PLEKHA3: variants seen among roughly 807,000 people sequenced by gnomAD.
PLEKHA3 encodes pleckstrin homology domain containing A3.
A neutral mutation model predicts 39.2 loss-of-function variants in PLEKHA3; 19 were observed. That is an observed-to-expected ratio of 0.48 (90% CI 0.34 to 0.71). The LOEUF is 0.71. Ranked by LOEUF, PLEKHA3 falls within the 30% of genes least tolerant of loss-of-function variation. The pLI is 0.01. For missense variants in PLEKHA3, 253 were observed against 359.5 expected (o/e 0.70, Z 2.40); for synonymous variants, 97 against 118.6 (o/e 0.82, Z 1.18).
At chr2:178,493,708 G>T in intron 3 of PLEKHA3, 145 bp from the exon 4 acceptor site, 1 of 663,376 alleles carries the variant, frequency 1.5e-6, no homozygotes, top group Non-Finnish European at 2.5e-6. Context: ...GTTTCCTTAG[G>T]GCTCTTGTAT....
intron 5 of PLEKHA3, among the ~76,000 whole-genome samples, chr2:178,495,947 G>A (rs1334515911): frequency 6.6e-6 from 1 of 152,142 alleles, no homozygotes; most frequent in Non-Finnish European, 1.5e-5. Context: ...ATTACAAAGT[G>A]CTGTGACAAA....
intron 7 of PLEKHA3, among the ~76,000 whole-genome samples, chr2:178,502,171 A>G (rs778939428): frequency 1.3e-5 from 2 of 151,780 alleles, no homozygotes; most frequent in African/African-American, 4.8e-5. Flanking sequence ...TAGTTCATAC[A>G]TATGGCAATT....
chr2:178,502,836 A>G (rs1685546940), intron 7 of PLEKHA3, among the ~76,000 whole-genome samples: 1 of 151,790 alleles, frequency 6.6e-6, no homozygotes, highest in Admixed American at 6.6e-5. Context: ...GCGCATACAT[A>G]TAGTTCACTT....
chr2:178,507,658 GT>G lies in PLEKHA3; in HGVS notation c.*3807del, dbSNP rs35052196. ...CCTTTAGTTTTTAGTCTCACATTAG[GT>G]TTTTTTTTTTTTTTTTTTTTTTTTT... On this transcript the variant is annotated 3_prime_UTR_variant, in exon 8 of 8. Transcript: ENST00000234453. 9 of 28,816 alleles carry G rather than the reference GT, an allele frequency of 3.1e-4. No individual in the cohort carries two copies. The highest frequency in any genetic ancestry group is 8.6e-4 in the African/African-American group (9 of 10,516). 1.8% of individuals were successfully genotyped at this position (28,816 alleles called of 1,614,324 possible).
chr2:178,493,459 A>T (rs12613131), intron 3 of PLEKHA3, among the ~76,000 whole-genome samples: 2 of 152,232 alleles, frequency 1.3e-5, no homozygotes, highest in South Asian at 4.1e-4. Flanking sequence ...AACTTTTACA[A>T]ACTATCAGTT....
chr2:178,495,721 C>T, intron 5 of PLEKHA3, 61 bp downstream of exon 5: 2 of 1,508,402 alleles, frequency 1.3e-6, no homozygotes, highest in Non-Finnish European at 1.8e-6. Flanking sequence ...GTTTTCGTTT[C>T]ATTTTGGTAT....
At position 178,512,133 on chromosome 2, in the gene PLEKHA3, G is replaced by A. The variant is rs1685698317; in HGVS notation, c.*8246G>A. On this transcript the variant is annotated 3_prime_UTR_variant, in exon 8 of 8. Transcript: ENST00000234453. ...ATCTTATTGTATCCTGAAACATTAAGCCTTTAAGTTATCCCTTTATTTAGT... is the reference window on the plus strand; with the variant it reads ...ATCTTATTGTATCCTGAAACATTAAACCTTTAAGTTATCCCTTTATTTAGT... 1 of 152,120 alleles carries A rather than the reference G, an allele frequency of 6.6e-6. No individual in the cohort carries two copies. Among genetic ancestry groups the A allele is most frequent in the Non-Finnish European group, 1.5e-5 (1 of 68,030 alleles). 9.4% of individuals were successfully genotyped at this position (152,120 alleles called of 1,614,324 possible).
rs1243163113 is a variant in PLEKHA3, at chr2:178,480,552, G to C, written c.-318G>C. On this transcript the variant is annotated 5_prime_UTR_variant, in exon 1 of 8. Coordinates refer to ENST00000234453, the MANE Select transcript of PLEKHA3 (RefSeq NM_019091.4). ...GAGGAAGAGGCAGCGCCGGGGCGCC[G>C]GAGGGAGCAGCCGGGCTGCGGAAGC... 4.5e-6 allele frequency: 1 copy of C among 221,738 alleles called. No homozygotes were observed. The highest frequency in any genetic ancestry group is 8.8e-6 in the Non-Finnish European group (1 of 113,290). 13.7% of individuals were successfully genotyped at this position (221,738 alleles called of 1,614,324 possible).
chr2:178,490,543 A>C, intron 2 of PLEKHA3, 116 bp from the exon 3 acceptor site: 1 of 1,063,358 alleles, frequency 9.4e-7, no homozygotes, highest in South Asian at 1.7e-5. Context: ...ATCATGAATG[A>C]TAGTTCAATG....
chr2:178,482,443 G>A (rs1002427056), intron 1 of PLEKHA3, among the ~76,000 whole-genome samples: 9 of 151,800 alleles, frequency 5.9e-5, no homozygotes, highest in African/African-American at 2.2e-4. Flanking sequence ...GGAGGCGGAG[G>A]CGAAAGGATT....
intron 3 of PLEKHA3, among the ~76,000 whole-genome samples, chr2:178,492,876 G>A (rs975516679): frequency 5.9e-5 from 9 of 152,178 alleles, no homozygotes; most frequent in African/African-American, 2.2e-4. Flanking sequence ...ACATTTTGAA[G>A]TGAATACTTA....
In PLEKHA3 at chr2:178,514,490, A is replaced by G. The variant is rs769079928; in HGVS notation, c.*10603A>G. On this transcript the variant is annotated 3_prime_UTR_variant, in exon 8 of 8. Coordinates refer to ENST00000234453, the MANE Select transcript of PLEKHA3 (RefSeq NM_019091.4). ...TGTTTTCTGTTTTCACTATCCAACT[A>G]GGATGAACTCTTAAGTTCATACATA... 3.3e-5 allele frequency: 5 copies of G among 152,178 alleles called. No individual in the cohort carries two copies. Among genetic ancestry groups the G allele is most frequent in the Non-Finnish European group, 2.9e-5 (2 of 68,024 alleles). The allele number at this position is 152,178 out of a possible 1,614,324, so 9.4% of individuals were successfully genotyped here.
chr2:178,497,527 G>A (rs529482093), intron 5 of PLEKHA3, among the ~76,000 whole-genome samples: 1 of 152,194 alleles, frequency 6.6e-6, no homozygotes, highest in Non-Finnish European at 1.5e-5. Flanking sequence ...ACTGCGCCTG[G>A]CCCATTTTAT....
At chr2:178,495,739 T>G in intron 5 of PLEKHA3, 79 bp downstream of exon 5, 7 of 1,469,666 alleles carry the variant, frequency 4.8e-6, no homozygotes, top group Non-Finnish European at 6.4e-6. Context: ...TATTTATTTT[T>G]AAGGGTGGAA....
chr2:178,487,809 C>T (rs917740498), intron 2 of PLEKHA3, among the ~76,000 whole-genome samples: 7 of 152,074 alleles, frequency 4.6e-5, no homozygotes, highest in African/African-American at 7.2e-5. Context: ...TTTCTGCAAT[C>T]GATCAGAGTA....
intron 5 of PLEKHA3, among the ~76,000 whole-genome samples, chr2:178,498,018 T>C (rs926421994): frequency 2.0e-5 from 3 of 152,130 alleles, no homozygotes; most frequent in African/African-American, 7.2e-5. Flanking sequence ...AAGCTGAAAA[T>C]TTGAGTATTC....
At position 178,511,914 on chromosome 2, in the gene PLEKHA3, C is replaced by T. The variant is rs1464567112; in HGVS notation, c.*8027C>T. 6.6e-6 allele frequency: 1 copy of T among 152,152 alleles called. No individual in the cohort carries two copies. Among genetic ancestry groups the T allele is most frequent in the African/African-American group, 2.4e-5 (1 of 41,412 alleles). The allele number at this position is 152,152 out of a possible 1,614,324, so 9.4% of individuals were successfully genotyped here. On this transcript the variant is annotated 3_prime_UTR_variant, in exon 8 of 8. Transcript: ENST00000234453. ...TAGGATAGAATTTGCCCTTTCTGTC[C>T]CATAATATGTTCCTCTTCCCCAAAA...
At chr2:178,485,620 T>C (rs1246113295) in intron 1 of PLEKHA3, 21 bp from the exon 2 acceptor site, 2 of 1,494,140 alleles carry the variant, frequency 1.3e-6, no homozygotes, top group Admixed American at 1.7e-5. Context: ...ATTGACCTTT[T>C]GTTATTTATG....
At chr2:178,499,182 A>ATTT in intron 5 of PLEKHA3, 29 bp from the exon 6 acceptor site, 54 of 1,337,060 alleles carry the variant, frequency 4.0e-5, no homozygotes, top group South Asian at 9.3e-5. Context: ...GATTATGCTA[A>ATTT]TTTTTTTTTT....
Sources: gnomAD v4.1 joint callset for allele counts (sites outside exome capture counted in the v4.1 genomes callset) on GRCh38, gnomAD v4.1.1 for gene constraint, MANE v1.5 for transcripts, NCBI Gene and HGNC (gene_info 2026-07-23, HGNC 2026-07-21) for gene names.